The following ORC5 variants were observed in gnomAD, a reference collection of about 807,000 sequenced individuals.
ORC5 encodes the protein protein phosphatase 1, regulatory subunit 117.
ORC5 carries 39 observed loss-of-function variants against 58.8 expected under a neutral mutation model. That is an observed-to-expected ratio of 0.66 (90% CI 0.51 to 0.87). The LOEUF is 0.87. ORC5 is among the 40% of genes least tolerant of loss of function. The pLI is 0.00. For missense variants in ORC5, 493 were observed against 506.3 expected, an observed-to-expected ratio of 0.97 and a Z score of 0.25; for synonymous variants, 218 against 177.6, an observed-to-expected ratio of 1.23 and a Z score of -1.81.
chr7:104,182,503 T>C (rs1352380929), intron 8 of ORC5, among the ~76,000 whole-genome samples: 2 of 152,068 alleles, frequency 1.3e-5, no homozygotes, highest in African/African-American at 4.8e-5. Flanking sequence ...ACATCCTTAA[T>C]ACAATTGTTG....
intron 11 of ORC5, among the ~76,000 whole-genome samples, chr7:104,164,647 A>T (rs1284301613): frequency 6.6e-6 from 1 of 152,204 alleles, no homozygotes; most frequent in Non-Finnish European, 1.5e-5. Context: ...TTGGACATAC[A>T]AAGTGGAAGA....
intron 6 of ORC5, chr7:104,187,709 T>C (rs1799578980): frequency 2.2e-6 from 2 of 923,014 alleles, no homozygotes; most frequent in Non-Finnish European, 1.3e-6. Flanking sequence ...TAAACAGCTA[T>C]TCTAATTGTT....
intron 12 of ORC5, among the ~76,000 whole-genome samples, chr7:104,149,636 ATTG>A (rs1162828716): frequency 6.6e-6 from 1 of 152,204 alleles, no homozygotes; most frequent in Non-Finnish European, 1.5e-5. Context: ...CAAAATAAAA[ATTG>A]TTATTTTTTT....
chr7:104,206,484 G>C (rs920279131), intron 1 of ORC5, among the ~76,000 whole-genome samples: 3 of 152,096 alleles, frequency 2.0e-5, no homozygotes, highest in African/African-American at 7.2e-5. Flanking sequence ...AGTGATCTGC[G>C]TTCCATAGAT....
chr7:104,161,974 C>T (rs1221050468), intron 11 of ORC5, among the ~76,000 whole-genome samples: 2 of 152,066 alleles, frequency 1.3e-5, no homozygotes, highest in Non-Finnish European at 2.9e-5. Context: ...TAAGTCGTAG[C>T]TTAACTTAGA....
At chr7:104,206,079 A>C (rs779749509) in intron 1 of ORC5, among the ~76,000 whole-genome samples, 1 of 152,202 alleles carries the variant, frequency 6.6e-6, no homozygotes, top group Non-Finnish European at 1.5e-5. Context: ...TATCCATTAC[A>C]TGTTGTTGCC....
At chr7:104,186,017 G>T (rs910412414) in intron 6 of ORC5, among the ~76,000 whole-genome samples, 2 of 151,954 alleles carry the variant, frequency 1.3e-5, no homozygotes, top group Non-Finnish European at 2.9e-5. Context: ...TAGAGAAGAA[G>T]AATCAAAAAG....
chr7:104,182,495 A>T (rs1799455377), intron 8 of ORC5, among the ~76,000 whole-genome samples: 1 of 152,080 alleles, frequency 6.6e-6, no homozygotes, highest in Non-Finnish European at 1.5e-5. Flanking sequence ...CTTTGGCAAC[A>T]TCCTTAATAC....
chr7:104,205,898 A>T (rs1444014245), intron 1 of ORC5, among the ~76,000 whole-genome samples: 2 of 152,132 alleles, frequency 1.3e-5, no homozygotes, highest in Admixed American at 6.6e-5. Context: ...GGTCCCAGCT[A>T]CTCGGAGGCT....
At chr7:104,194,264 T>C (rs1799746683) in intron 5 of ORC5, among the ~76,000 whole-genome samples, 1 of 152,118 alleles carries the variant, frequency 6.6e-6, no homozygotes, top group African/African-American at 2.4e-5. Flanking sequence ...AGGTGTTATT[T>C]CACTGCTGTT....
intron 8 of ORC5, among the ~76,000 whole-genome samples, chr7:104,174,259 T>C (rs181656561): frequency 1.4e-4 from 22 of 152,268 alleles, no homozygotes; most frequent in Admixed American, 1.4e-3. Context: ...GAAGCAAAAA[T>C]AAACATTCTA....
chr7:104,150,605 T>C (rs1447171041), intron 12 of ORC5, among the ~76,000 whole-genome samples: 1 of 151,012 alleles, frequency 6.6e-6, no homozygotes, highest in Non-Finnish European at 1.5e-5. Flanking sequence ...AAACAAAAAG[T>C]AGCATGTATG....
chr7:104,136,650 T>A lies in ORC5; in HGVS notation c.1262+131A>T. The A allele has an allele frequency of 1.6e-6, 1 of 607,804 alleles. No homozygotes were observed. The highest frequency in any genetic ancestry group is 3.4e-4 in the Middle Eastern group (1 of 2,944). 37.7% of individuals were successfully genotyped at this position (607,804 alleles called of 1,614,324 possible). A position where few individuals can be genotyped will look rare whatever the true frequency, so the allele number is the denominator to read the frequency against. On this transcript the variant is annotated intron_variant, in intron 13 of 13. Transcript: ENST00000297431. This position sits in a 1 kb window ranked among gnomAD's most constrained non-coding sequence, Gnocchi z 4.2. The stretch of plus-strand genomic sequence containing the variant: ...AAATTTGAGAAGGTTCATTCTATCG[T>A]ACAGCTTATTCATTCTTGGCACTTA...
intron 1 of ORC5, among the ~76,000 whole-genome samples, chr7:104,205,865 C>T (rs2299414): frequency 0.14 from 21,698 of 152,042 alleles, 1,824 homozygotes; most frequent in South Asian, 0.22. Flanking sequence ...CAAAAATAGC[C>T]AGGCTTGGAG....
At chr7:104,167,600 GT>G (rs1799129194) in intron 9 of ORC5, among the ~76,000 whole-genome samples, 1 of 152,184 alleles carries the variant, frequency 6.6e-6, no homozygotes, top group Non-Finnish European at 1.5e-5. Context: ...TATTAAAACA[GT>G]AGGGTCATTC....
At chr7:104,156,522 G>T (rs1360874603) in intron 12 of ORC5, among the ~76,000 whole-genome samples, 1 of 151,572 alleles carries the variant, frequency 6.6e-6, no homozygotes, top group Non-Finnish European at 1.5e-5. Flanking sequence ...TTATAGAATA[G>T]ATTAGATTTG....
chr7:104,179,661 TTC>T (rs1462109331), intron 8 of ORC5, among the ~76,000 whole-genome samples: 15 of 152,052 alleles, frequency 9.9e-5, no homozygotes, highest in Admixed American at 9.8e-4. Flanking sequence ...TGTTTTTTTT[TTC>T]TGTTTCACAG....
intron 8 of ORC5, among the ~76,000 whole-genome samples, chr7:104,183,339 T>G (rs1799475169): frequency 6.6e-6 from 1 of 152,092 alleles, no homozygotes; most frequent in Non-Finnish European, 1.5e-5. Flanking sequence ...CTTCGACATG[T>G]GAACAGACAA....
rs780797353 is a variant in ORC5, at chr7:104,204,036, T to G, written c.165+106A>C. 7.1e-6 allele frequency: 4 copies of G among 561,454 alleles called. No individual in the cohort carries two copies. The South Asian group carries it at 8.5e-5, about 12-fold the overall frequency. The allele number at this position is 561,454 out of a possible 1,614,324, so 34.8% of individuals were successfully genotyped here. ...AAAGATAATATGGGAAGGAGAGTAA[T>G]GTAAAGGTGGTATGTTCAATTTTGC... On this transcript the variant is annotated intron_variant, in intron 2 of 13. Coordinates refer to ENST00000297431, the MANE Select transcript of ORC5 (RefSeq NM_002553.4).
Sources: gnomAD v4.1 joint callset for allele counts (sites outside exome capture counted in the v4.1 genomes callset) on GRCh38, gnomAD v4.1.1 for gene constraint, Gnocchi (gnomAD v3.1) non-coding constraint, MANE v1.5 for transcripts, NCBI Gene and HGNC (gene_info 2026-07-23, HGNC 2026-07-21) for gene names.